Variants in TIAM1 observed in about 807,000 individuals in gnomAD.
TIAM1 encodes rho guanine nucleotide exchange factor TIAM1.
TIAM1 carries 65 observed loss-of-function variants against 163.5 expected under a neutral mutation model. That is an observed-to-expected ratio of 0.40 (90% CI 0.33 to 0.49). The LOEUF (loss-of-function observed/expected upper bound fraction) is 0.49. TIAM1 is among the 20% of genes least tolerant of loss of function. The probability of loss-of-function intolerance (pLI) is 0.77; values close to 1 mark genes in which losing one functional copy is unlikely to be tolerated. For missense variants in TIAM1, 1,789 were observed against 2,044.7 expected (o/e 0.87, Z 2.41); for synonymous variants, 833 against 810.1 (o/e 1.03, Z -0.48).
At chr21:31,331,569 C>G (rs1292923169) in intron 2 of TIAM1, among the ~76,000 whole-genome samples, 1 of 152,242 alleles carries the variant, frequency 6.6e-6, no homozygotes, top group African/African-American at 2.4e-5. Flanking sequence ...GAATCTCCGG[C>G]TATGCCACAC....
At chr21:31,244,986 G>A (rs958245383) in intron 6 of TIAM1, among the ~76,000 whole-genome samples, 3 of 152,070 alleles carry the variant, frequency 2.0e-5, no homozygotes, top group African/African-American at 7.2e-5. Context: ...TGAAATTCAA[G>A]GATGCTGAGT....
intron 2 of TIAM1, among the ~76,000 whole-genome samples, chr21:31,363,392 T>C (rs1363319602): frequency 6.6e-6 from 1 of 152,088 alleles, no homozygotes; most frequent in African/African-American, 2.4e-5. Context: ...AACCCAACAT[T>C]CTAACAGGAC....
At chr21:31,183,507 C>A (rs772266096) in intron 14 of TIAM1, among the ~76,000 whole-genome samples, 4 of 152,060 alleles carry the variant, frequency 2.6e-5, no homozygotes, top group Non-Finnish European at 5.9e-5. Flanking sequence ...TATGGAAAAA[C>A]CAACTTGAAA....
intron 4 of TIAM1, among the ~76,000 whole-genome samples, chr21:31,259,629 AAATAATAAT>A (rs61401734): frequency 2.7e-5 from 4 of 146,256 alleles, no homozygotes; most frequent in Admixed American, 6.8e-5. Context: ...TAAAAAAATA[AAATAATAAT>A]AATAATAATA....
At chr21:31,176,876 C>G (rs1568972681) in intron 15 of TIAM1, among the ~76,000 whole-genome samples, 1 of 152,048 alleles carries the variant, frequency 6.6e-6, no homozygotes, top group African/African-American at 2.4e-5. Flanking sequence ...CAGACCCCAT[C>G]CCACACTAGG....
chr21:31,546,073 T>A lies in TIAM1; in HGVS notation c.-422+12854A>T, dbSNP rs557455102. Among the ~76,000 whole-genome samples the A allele has an allele frequency of 2.3e-4, 35 of 151,434 alleles. No homozygotes were observed. In the South Asian group the frequency reaches 6.4e-3, roughly 28 times the overall value. On this transcript the variant is annotated intron_variant, in intron 1 of 28. Coordinates refer to the TIAM1 transcript ENST00000286827. ...AGAAAAAAATTGTTTTAATTTATTT[T>A]AAAAAAAATTTTTAATAAAAGAAAA...
chr21:31,171,035 CAAAAAAAAAAAAA>C (rs34291568), intron 15 of TIAM1, among the ~76,000 whole-genome samples: 2 of 19,576 alleles, frequency 1.0e-4, no homozygotes, highest in South Asian at 1.9e-3. Context: ...GACTCCATCT[CAAAAAAAAAAAAA>C]AAAAAAAAAA....
At chr21:31,157,260 C>G (rs2083666450) in intron 16 of TIAM1, among the ~76,000 whole-genome samples, 1 of 152,106 alleles carries the variant, frequency 6.6e-6, no homozygotes, top group African/African-American at 2.4e-5. Context: ...ATTTACCCAG[C>G]TTTTGGTGAA....
At chr21:31,382,207 A>G (rs2076789868) in intron 2 of TIAM1, among the ~76,000 whole-genome samples, 1 of 152,224 alleles carries the variant, frequency 6.6e-6, no homozygotes, top group African/African-American at 2.4e-5. Flanking sequence ...TTATCCAAAC[A>G]CCAGAGACCT....
intron 2 of TIAM1, among the ~76,000 whole-genome samples, chr21:31,288,866 T>G (rs1378091476): frequency 6.6e-6 from 1 of 152,130 alleles, no homozygotes; most frequent in East Asian, 1.9e-4. Context: ...AAAATAAAAA[T>G]AGGATGCCTC....
chr21:31,244,094 T>C lies in TIAM1; in HGVS notation c.1584+1394A>G, dbSNP rs556157345. ...GATAGCTCACTGAGCAGTACACTTA[T>C]GTTGTGTGCACTCTTCTTTCTGTGT... On this transcript the variant is annotated intron_variant, in intron 6 of 27. Coordinates refer to ENST00000541036, the MANE Select transcript of TIAM1 (RefSeq NM_001353694.2). 3.9e-5 allele frequency among the ~76,000 whole-genome samples: 6 copies of C among 152,318 alleles called. No individual in the cohort carries two copies. In the South Asian group the frequency reaches 1.0e-3, roughly 26 times the overall value.
At chr21:31,181,402 C>T (rs1034224011) in intron 15 of TIAM1, among the ~76,000 whole-genome samples, 7 of 151,892 alleles carry the variant, frequency 4.6e-5, no homozygotes, top group African/African-American at 1.7e-4. Flanking sequence ...GAGGAGAGAG[C>T]TAACTCTATG....
intron 4 of TIAM1, among the ~76,000 whole-genome samples, chr21:31,261,668 G>A (rs960567146): frequency 6.6e-6 from 1 of 152,094 alleles, no homozygotes; most frequent in Non-Finnish European, 1.5e-5. Flanking sequence ...AGCTGAGACC[G>A]TGCCACTGCA....
chr21:31,207,267 T>C (rs2086498714), intron 11 of TIAM1, among the ~76,000 whole-genome samples: 1 of 152,226 alleles, frequency 6.6e-6, no homozygotes, highest in Non-Finnish European at 1.5e-5. Context: ...AATGAAGATC[T>C]TGAAACATTT....
chr21:31,486,544 G>T (rs772932202), intron 1 of TIAM1, among the ~76,000 whole-genome samples: 33 of 152,252 alleles, frequency 2.2e-4, no homozygotes, highest in Non-Finnish European at 3.8e-4. Context: ...TATGTGCCCT[G>T]AGGTGCTGCT....
intron 22 of TIAM1, among the ~76,000 whole-genome samples, chr21:31,137,289 T>C (rs1363377204): frequency 6.6e-6 from 1 of 152,246 alleles, no homozygotes; most frequent in Non-Finnish European, 1.5e-5. Context: ...AGAGGTATTG[T>C]TGCCTCCCTT....
chr21:31,491,320 T>C (rs1464344104), intron 1 of TIAM1, among the ~76,000 whole-genome samples: 2 of 152,250 alleles, frequency 1.3e-5, no homozygotes, highest in Non-Finnish European at 2.9e-5. Flanking sequence ...GTTTAAGGTA[T>C]GTTTGGTTGG....
intron 2 of TIAM1, among the ~76,000 whole-genome samples, chr21:31,455,520 C>G (rs912658238): frequency 6.6e-6 from 1 of 151,732 alleles, no homozygotes; most frequent in South Asian, 2.1e-4. Flanking sequence ...TCAAGCTATT[C>G]TCCTACCTCA....
At chr21:31,545,147 C>T (rs950911397) in intron 1 of TIAM1, among the ~76,000 whole-genome samples, 1 of 152,162 alleles carries the variant, frequency 6.6e-6, no homozygotes, top group Non-Finnish European at 1.5e-5. Context: ...CAGCCAATAG[C>T]TGATAACCTT....
Sources: gnomAD v4.1 joint callset for allele counts (sites outside exome capture counted in the v4.1 genomes callset) on GRCh38, gnomAD v4.1.1 for gene constraint, MANE v1.5 for transcripts, NCBI Gene and HGNC (gene_info 2026-07-23, HGNC 2026-07-21) for gene names.